Variants in SYNE1 observed in about 807,000 individuals in gnomAD.
The protein encoded by SYNE1 is nesprin-1.
Under a neutral mutation model 1,111.0 loss-of-function variants are expected in SYNE1, and 616 were observed. That is an observed-to-expected ratio of 0.55 (90% CI 0.52 to 0.59). The LOEUF is 0.59. Ranked by LOEUF, SYNE1 falls within the 20% of genes least tolerant of loss-of-function variation. The probability of loss-of-function intolerance (pLI) is 0.00; values close to 1 mark genes in which losing one functional copy is unlikely to be tolerated. For missense variants in SYNE1, 10,006 were observed against 10,417.0 expected, an observed-to-expected ratio of 0.96 and a Z score of 1.72; for synonymous variants, 3,855 against 3,825.8, an observed-to-expected ratio of 1.01 and a Z score of -0.28.
At chr6:152,281,578 C>T (rs1391517246) in intron 97 of SYNE1, among the ~76,000 whole-genome samples, 4 of 152,092 alleles carry the variant, frequency 2.6e-5, no homozygotes, top group African/African-American at 4.8e-5. Flanking sequence ...TTAAACATGA[C>T]CTTTAGGAAG....
intron 138 of SYNE1, 89 bp from the exon 139 acceptor site, chr6:152,141,418 A>G: frequency 2.6e-6 from 4 of 1,567,206 alleles, no homozygotes; most frequent in Non-Finnish European, 3.5e-6. Flanking sequence ...ATTTCTCAGC[A>G]AGAGAAGTGT....
At position 152,237,798 on chromosome 6, in the gene SYNE1, C is replaced by A. The variant is rs116001281; in HGVS notation, c.20068-850G>T. ...ATACCACATCACTTATTCCTAAGTT[C>A]AGACTTTTATTTTATTTAAAACTGG... is the stretch of plus-strand genomic sequence containing the variant. On this transcript the variant is annotated intron_variant, in intron 108 of 145. Transcript: ENST00000367255. Among the ~76,000 whole-genome samples the A allele has an allele frequency of 5.4e-3, 823 of 152,082 alleles. 7 individuals are homozygous for A. Among genetic ancestry groups the A allele is most frequent in the African/African-American group, 0.019 (795 of 41,408 alleles).
At chr6:152,404,380 T>C (rs970423078) in intron 45 of SYNE1, 66 bp from the exon 46 acceptor site, 56 of 1,263,990 alleles carry the variant, frequency 4.4e-5, no homozygotes, top group Non-Finnish European at 5.8e-5. Flanking sequence ...ATTTAATAAT[T>C]TCAAGAAGAG....
rs192756477 is a variant in SYNE1 at position 152,122,340 on chromosome 6, C to T, written c.*96G>A. The T allele has an allele frequency of 2.4e-5, 39 of 1,603,652 alleles. No individual in the cohort carries two copies. Among genetic ancestry groups the T allele is most frequent in the East Asian group, 4.5e-5 (2 of 44,806 alleles). On this transcript the variant is annotated 3_prime_UTR_variant, in exon 146 of 146. Coordinates refer to ENST00000367255, the MANE Select transcript of SYNE1 (RefSeq NM_182961.4). The stretch of plus-strand genomic sequence containing the variant: ...CTAAAGCTGCCACACCGAGGGCTTT[C>T]GCCAAGATCAAGGTCCTCTTGTTGG...
At position 152,281,906 on chromosome 6, in the gene SYNE1, C is replaced by T; in HGVS notation, c.18282G>A (p.Glu6094=). 2 of 1,614,166 alleles carry T rather than the reference C, an allele frequency of 1.2e-6. No homozygotes were observed. Among genetic ancestry groups the T allele is most frequent in the Non-Finnish European group, 8.5e-7 (1 of 1,180,036 alleles). Residue 6094 remains glutamate, a synonymous_variant, in exon 97 of 146, where the codon GAG becomes GAA. Coordinates refer to ENST00000367255, the MANE Select transcript of SYNE1 (RefSeq NM_182961.4). The part of the protein sequence containing the change: ...ALQRYRCEAD[E]LDSWLLSTKA... ...TGGTACTCAAGAGCCAGCTGTCCAG[C>T]TCATCGGCTTCACAGCGATACCTCT...
intron 3 of SYNE1, among the ~76,000 whole-genome samples, chr6:152,570,348 C>CAT (rs1031673715): frequency 6.6e-6 from 1 of 152,174 alleles, no homozygotes; most frequent in African/African-American, 2.4e-5. Flanking sequence ...ATTACTATAT[C>CAT]ATATATAAAA....
At chr6:152,407,679 C>A (rs544863) in intron 44 of SYNE1, among the ~76,000 whole-genome samples, 63,611 of 151,374 alleles carry the variant, frequency 0.42, 13,840 homozygotes, top group East Asian at 0.75. Flanking sequence ...TTGCTTATCA[C>A]TCTTCCTATA....
chr6:152,614,802 C>T (rs2099641368), intron 3 of SYNE1, among the ~76,000 whole-genome samples: 1 of 152,132 alleles, frequency 6.6e-6, no homozygotes, highest in African/African-American at 2.4e-5. Flanking sequence ...ACTATGTAGT[C>T]ATAAAAAAGA....
chr6:152,394,340 T>G (rs2097697090), intron 51 of SYNE1, among the ~76,000 whole-genome samples: 1 of 152,244 alleles, frequency 6.6e-6, no homozygotes, highest in Non-Finnish European at 1.5e-5. Flanking sequence ...TGTTTCTGAC[T>G]TATTTGATAA....
intron 2 of SYNE1, among the ~76,000 whole-genome samples, chr6:152,631,879 C>T (rs2099698514): frequency 6.6e-6 from 1 of 152,156 alleles, no homozygotes; most frequent in Non-Finnish European, 1.5e-5. Context: ...CTTCATGCTT[C>T]ATATCTTTGG....
At chr6:152,179,890 G>A (rs935657762) in intron 129 of SYNE1, among the ~76,000 whole-genome samples, 7 of 151,660 alleles carry the variant, frequency 4.6e-5, no homozygotes, top group Admixed American at 6.6e-5. Flanking sequence ...TCACCATGTT[G>A]GCCAGGATGG....
intron 105 of SYNE1, among the ~76,000 whole-genome samples, chr6:152,246,996 T>C (rs1377094150): frequency 6.6e-6 from 1 of 152,218 alleles, no homozygotes; most frequent in Non-Finnish European, 1.5e-5. Flanking sequence ...ACTTATCATG[T>C]ACCCTTTCTA....
intron 3 of SYNE1, among the ~76,000 whole-genome samples, chr6:152,599,389 C>T (rs767247350): frequency 7.2e-5 from 11 of 152,146 alleles, no homozygotes; most frequent in South Asian, 2.1e-4. Context: ...TCCCACTTCC[C>T]GCCCTTGACA....
intron 56 of SYNE1, among the ~76,000 whole-genome samples, chr6:152,378,090 A>G (rs1158348593): frequency 6.6e-6 from 1 of 152,238 alleles, no homozygotes; most frequent in East Asian, 1.9e-4. Flanking sequence ...GAACAAATGA[A>G]ATCATGAATG....
chr6:152,177,501 C>T (rs2066780056), intron 129 of SYNE1, among the ~76,000 whole-genome samples: 1 of 152,056 alleles, frequency 6.6e-6, no homozygotes, highest in Non-Finnish European at 1.5e-5. Flanking sequence ...ACATTTTAAC[C>T]TTCTCTTGGT....
At chr6:152,441,873 A>G (rs1029321449) in intron 31 of SYNE1, among the ~76,000 whole-genome samples, 3 of 152,212 alleles carry the variant, frequency 2.0e-5, no homozygotes, top group African/African-American at 4.8e-5. Context: ...CTTCTTAAGC[A>G]TCCACACTTG....
At chr6:152,529,370 C>T (rs1368759041) in intron 4 of SYNE1, among the ~76,000 whole-genome samples, 3 of 152,084 alleles carry the variant, frequency 2.0e-5, no homozygotes, top group East Asian at 1.9e-4. Flanking sequence ...ATGTGAGTGG[C>T]CTGAGCTGGG....
intron 3 of SYNE1, among the ~76,000 whole-genome samples, chr6:152,551,336 A>T (rs2099345804): frequency 6.6e-6 from 1 of 152,186 alleles, no homozygotes; most frequent in African/African-American, 2.4e-5. Context: ...AACTGGAATG[A>T]AGGCTGAAGA....
intron 107 of SYNE1, among the ~76,000 whole-genome samples, chr6:152,241,429 C>T (rs1247157975): frequency 3.3e-5 from 5 of 151,744 alleles, no homozygotes; most frequent in African/African-American, 1.2e-4. Context: ...ACAGGAAATT[C>T]CCATAGTCTA....
Sources: allele counts gnomAD v4.1 joint callset (sites outside exome capture counted in the v4.1 genomes callset), GRCh38; gene constraint gnomAD v4.1.1; transcripts MANE v1.5; gene names NCBI Gene and HGNC (gene_info 2026-07-23, HGNC 2026-07-21).